The following CHUK variants were observed in gnomAD, a reference collection of about 807,000 sequenced individuals.
CHUK encodes inhibitor of nuclear factor kappa-B kinase subunit alpha.
A neutral mutation model predicts 104.8 loss-of-function variants in CHUK; 35 were observed. That is an observed-to-expected ratio of 0.33 (90% confidence interval 0.26 to 0.44). CHUK has a LOEUF of 0.44. Among genes scored for constraint, CHUK ranks in the 20% least tolerant of loss-of-function variants. The probability of loss-of-function intolerance (pLI) is 1.00; values close to 1 mark genes in which losing one functional copy is unlikely to be tolerated. For synonymous variants in CHUK, 276 were observed against 291.9 expected, an observed-to-expected ratio of 0.95 and a Z score of 0.56; for missense variants, 663 against 902.7, an observed-to-expected ratio of 0.73 and a Z score of 3.40.
At chr10:100,228,514 GGCACGGTGGCGGGCGCCTGTAATCCCA>G (rs1310428352) in intron 1 of CHUK, among the ~76,000 whole-genome samples, 1 of 152,116 alleles carries the variant, frequency 6.6e-6, no homozygotes, top group African/African-American at 2.4e-5. Flanking sequence ...AAATTAGCCA[GGCACGGTGGCGGGCGCCTGTAATCCCA>G]GCTACTCAGG....
intron 9 of CHUK, among the ~76,000 whole-genome samples, chr10:100,215,441 T>C (rs995684163): frequency 6.6e-6 from 1 of 151,474 alleles, no homozygotes; most frequent in Non-Finnish European, 1.5e-5. Context: ...GGCTGCCTAA[T>C]AAAAGAAAGG....
At chr10:100,187,162 G>C (rs1845051636), downstream of CHUK, 1 of 152,236 alleles carries the variant, frequency 6.6e-6, no homozygotes, top group Admixed American at 6.5e-5. Context: ...GGGGACCCCT[G>C]CCCTCTTGGG....
chr10:100,222,261 CTA>C, intron 3 of CHUK, 80 bp from the exon 4 acceptor site: 1 of 733,214 alleles, frequency 1.4e-6, no homozygotes. Flanking sequence ...TTACTATACT[CTA>C]AAAGAATATT....
chr10:100,222,625 T>G (rs1846016654), intron 3 of CHUK, among the ~76,000 whole-genome samples: 1 of 152,168 alleles, frequency 6.6e-6, no homozygotes, highest in South Asian at 2.1e-4. Context: ...TGGTAAATAC[T>G]TTAGGTTTTG....
At chr10:100,208,455 G>C (rs1490779872) in intron 10 of CHUK, among the ~76,000 whole-genome samples, 1 of 152,130 alleles carries the variant, frequency 6.6e-6, no homozygotes, top group East Asian at 1.9e-4. Context: ...CACTAATGCA[G>C]GCCTAAATAA....
chr10:100,188,846 CA>C lies in CHUK; in HGVS notation c.*751del, dbSNP rs1219720795. 1.2e-4 allele frequency: 18 copies of C among 152,024 alleles called. No individual in the cohort carries two copies. Among genetic ancestry groups the C allele is most frequent in the African/African-American group, 4.3e-4 (18 of 41,388 alleles). 9.4% of individuals were successfully genotyped at this position (152,024 alleles called of 1,614,324 possible). A position where few individuals can be genotyped will look rare whatever the true frequency, so the allele number is the denominator to read the frequency against. The stretch of plus-strand genomic sequence containing the variant: ...TGTTTAAACAAATGACTCATTTTTA[CA>C]AATGAAAAAACATGTAATTTTCAAA... On this transcript the variant is annotated 3_prime_UTR_variant, in exon 21 of 21. Coordinates refer to ENST00000370397, the MANE Select transcript of CHUK (RefSeq NM_001278.5).
Position 100,207,286 on chromosome 10 carries a change from G to A in CHUK, c.1175C>T (p.Thr392Ile). 2 of 1,576,384 alleles carry A rather than the reference G, an allele frequency of 1.3e-6. No individual in the cohort carries two copies. The highest frequency in any genetic ancestry group is 1.7e-5 in the Admixed American group (1 of 59,958). The change falls in exon 11 of 21, where the codon ACT becomes ATT. Residue 392 changes from threonine to isoleucine, a missense_variant. Thr to Ile is a moderately conservative substitution (Grantham distance 89). Around this residue, in one of 5 missense-constraint regions of CHUK, gnomAD observed 15 missense variants for 41.3 expected, o/e 0.36. Transcript: ENST00000370397. Reference protein sequence around the residue: ...YMVYLFDKSKTVYEGPFASRS... With the variant: ...YMVYLFDKSKIVYEGPFASRS... ...GGAAGCAAATGGCCCTTCATATACAGTTTTACTTTTATCAAACAAATAAAC... is the reference window on the plus strand; with the variant it reads ...GGAAGCAAATGGCCCTTCATATACAATTTTACTTTTATCAAACAAATAAAC...
In CHUK at chr10:100,193,448, A is replaced by T; in HGVS notation, c.1975-17T>A. 1 of 1,613,964 alleles carries T rather than the reference A, an allele frequency of 6.2e-7. No individual in the cohort carries two copies. Among genetic ancestry groups the T allele is most frequent in the Non-Finnish European group, 8.5e-7 (1 of 1,179,908 alleles). On this transcript the variant is annotated splice_polypyrimidine_tract_variant and intron_variant, in intron 18 of 20. Transcript: ENST00000370397. ...ACTCTGTGTCTGAAGGAAAAGAAAA[A>T]AACATCAAAAGATTACAGGCAAGCA...
chr10:100,218,242 TC>T, intron 8 of CHUK, 112 bp from the exon 9 acceptor site: 2 of 909,378 alleles, frequency 2.2e-6, no homozygotes, highest in South Asian at 1.4e-5. Context: ...ACATCACTTG[TC>T]TGTACCATTT....
chr10:100,190,886 G>T lies in CHUK; in HGVS notation c.2191C>A (p.Gln731Lys). Residue 731 changes from glutamine to lysine, a missense_variant, in exon 20 of 21, where the codon CAG becomes AAG. Coordinates refer to ENST00000370397, the MANE Select transcript of CHUK (RefSeq NM_001278.5). ...AAACTTACCATCATACTATTGCCCT[G>T]TTCCTCATTTGCCTCATGAATAATA... Reference protein sequence around the residue: ...STIIHEANEEQGNSMMNLDWS... With the variant: ...STIIHEANEEKGNSMMNLDWS... 3 of 1,604,868 alleles carry T rather than the reference G, an allele frequency of 1.9e-6. No individual in the cohort carries two copies. The highest frequency in any genetic ancestry group is 2.6e-6 in the Non-Finnish European group (3 of 1,171,544).
At chr10:100,215,236 AG>A (rs1362137746) in intron 9 of CHUK, among the ~76,000 whole-genome samples, 2 of 149,944 alleles carry the variant, frequency 1.3e-5, no homozygotes, top group African/African-American at 5.0e-5. Flanking sequence ...AAAAAAAAAA[AG>A]AAGTAGATTT....
chr10:100,207,148 G>C, intron 11 of CHUK, 82 bp downstream of exon 11: 3 of 770,374 alleles, frequency 3.9e-6, no homozygotes, highest in Non-Finnish European at 2.4e-6. Context: ...AACACCAAAA[G>C]TCCATTTCTA....
Position 100,220,634 on chromosome 10 carries a change from C to T in CHUK, c.428G>A (p.Arg143Gln), listed in dbSNP as rs370552792. The change falls in exon 5 of 21, where the codon CGA (arginine) becomes CAA (glutamine). Residue 143 changes from arginine to glutamine, a missense_variant. Arg to Gln is a conservative substitution (Grantham distance 43). This residue lies in a region of CHUK where 200 missense variants were observed against 333.0 expected (regional missense o/e 0.60). Transcript: ENST00000370397. ...RYLHENKIIHRDLKPENIVLQ... is the reference protein window; with the variant it reads ...RYLHENKIIHQDLKPENIVLQ... ...AACTATGTTTTCAGGTTTTAGATCTCGATGTATAATTTTGTTTTCATGCAA... is the reference window on the plus strand; with the variant it reads ...AACTATGTTTTCAGGTTTTAGATCTTGATGTATAATTTTGTTTTCATGCAA... 1.2e-6 allele frequency: 2 copies of T among 1,612,766 alleles called. No individual in the cohort carries two copies. Among genetic ancestry groups the T allele is most frequent in the Non-Finnish European group, 1.7e-6 (2 of 1,179,050 alleles).
At chr10:100,208,230 C>T (rs533846920) in intron 10 of CHUK, among the ~76,000 whole-genome samples, 6 of 152,242 alleles carry the variant, frequency 3.9e-5, no homozygotes, top group Non-Finnish European at 7.4e-5. Flanking sequence ...CCTCAATCTC[C>T]CAAGTAGCTA....
At chr10:100,211,596 G>C (rs1448882269) in intron 9 of CHUK, among the ~76,000 whole-genome samples, 1 of 152,150 alleles carries the variant, frequency 6.6e-6, no homozygotes, top group Non-Finnish European at 1.5e-5. Flanking sequence ...TTCTCTTTCT[G>C]TGACTTGCTT....
Position 100,202,135 on chromosome 10 carries a change from G to C in CHUK, c.1522C>G (p.Leu508Val), listed in dbSNP as rs12773904. 9 of 1,611,590 alleles carry C rather than the reference G, an allele frequency of 5.6e-6. No individual in the cohort carries two copies. The East Asian group carries it at 1.6e-4, about 28-fold the overall frequency. Residue 508 changes from leucine to valine, a missense_variant, in exon 14 of 21, where the codon CTA (leucine) becomes GTA (valine). This residue lies in a region of CHUK where 311 missense variants were observed against 393.4 expected (regional missense o/e 0.79). Coordinates refer to ENST00000370397, the MANE Select transcript of CHUK (RefSeq NM_001278.5). ...TCTTCCATTTCTTTCCATGCTTTTA[G>C]CATTTTTTCTGAAGCTAAAAGAAAA... ...MTYGISSEKM[L>V]KAWKEMEEKA...
At position 100,194,507 on chromosome 10, in the gene CHUK, C is replaced by A; in HGVS notation, c.1744G>T (p.Asp582Tyr). Residue 582 changes from aspartate to tyrosine, a missense_variant, in exon 17 of 21, where the codon GAC becomes TAC. Physicochemically the swap from Asp to Tyr is radical, Grantham distance 160. Around this residue, in one of 5 missense-constraint regions of CHUK, gnomAD observed 311 missense variants for 393.4 expected, o/e 0.79. Coordinates refer to ENST00000370397, the MANE Select transcript of CHUK (RefSeq NM_001278.5). The part of the protein sequence containing the change: ...KHRPSDHSYS[D>Y]STEMVKIIVH... ...ATGATTTTCACCATCTCTGTGCTGT[C>A]ACTGTAGGAGTGATCTATAAAAGAC... 6.2e-7 allele frequency: 1 copy of A among 1,611,112 alleles called. No homozygotes were observed. Among genetic ancestry groups the A allele is most frequent in the South Asian group, 1.1e-5 (1 of 90,920 alleles).
chr10:100,193,246 C>T, intron 19 of CHUK, 52 bp downstream of exon 19: 9 of 1,601,212 alleles, frequency 5.6e-6, no homozygotes, highest in Non-Finnish European at 6.8e-6. Context: ...TGCCTCATTC[C>T]TATACCACTG....
chr10:100,194,598 A>C, intron 16 of CHUK, 77 bp from the exon 17 acceptor site: 1 of 871,182 alleles, frequency 1.1e-6, no homozygotes, highest in Non-Finnish European at 1.9e-6. Flanking sequence ...TTCCTCAAAA[A>C]TCCCTGAAAC....
Sources: allele counts gnomAD v4.1 joint callset (sites outside exome capture counted in the v4.1 genomes callset), GRCh38; gene constraint gnomAD v4.1.1; regional missense constraint gnomAD v4.1.1; transcripts MANE v1.5; gene names NCBI Gene and HGNC (gene_info 2026-07-23, HGNC 2026-07-21).